CLCN5: variants seen among roughly 807,000 people sequenced by gnomAD.
The protein encoded by CLCN5 is Cl-/H+ antiporter 5, also known as H(+)/Cl(-) exchange transporter 5.
In CLCN5, 17 loss-of-function variants were observed where a neutral mutation model predicts 54.0. The ratio of observed to expected loss-of-function variants is 0.31; its 90% CI spans 0.22 to 0.47. The LOEUF is 0.47. CLCN5 is among the 20% of genes least tolerant of loss of function. The pLI, the probability that CLCN5 is intolerant of heterozygous loss-of-function variation, is 1.00. For synonymous variants in CLCN5, 222 were observed against 233.0 expected (o/e 0.95, Z 0.43); for missense variants, 448 against 646.7 (o/e 0.69, Z 3.33).
intron 3 of CLCN5, among the ~76,000 whole-genome samples, chrX:49,957,495 G>A (rs1269261706): frequency 1.8e-5 from 2 of 111,524 alleles, no homozygotes; most frequent in African/African-American, 6.5e-5. Flanking sequence ...GCACTATGTT[G>A]CATTCTGGGG....
At chrX:50,084,303 A>G (rs782404713) in intron 9 of CLCN5, among the ~76,000 whole-genome samples, 19 of 112,185 alleles carry the variant, frequency 1.7e-4, no homozygotes, top group Non-Finnish European at 1.7e-4. Context: ...TGGGGCCACC[A>G]TGTTGTATGT....
intron 3 of CLCN5, among the ~76,000 whole-genome samples, chrX:50,033,900 G>T (rs931258030): frequency 1.8e-5 from 2 of 111,781 alleles, no homozygotes; most frequent in African/African-American, 6.5e-5. Context: ...CTCTGGTATT[G>T]TCTGTTCAGA....
chrX:49,928,647 C>T (rs377451365), intron 3 of CLCN5, among the ~76,000 whole-genome samples: 2 of 111,841 alleles, frequency 1.8e-5, no homozygotes, highest in Admixed American at 1.9e-4. Flanking sequence ...ATCTAGCAGC[C>T]GGGCGCGGTG....
chrX:50,082,723 A>C (rs781917458), intron 9 of CLCN5, among the ~76,000 whole-genome samples: 7 of 112,012 alleles, frequency 6.2e-5, no homozygotes, highest in Non-Finnish European at 1.1e-4. Flanking sequence ...TCAAGTATAT[A>C]TTGCTTCTCT....
intron 2 of CLCN5, among the ~76,000 whole-genome samples, chrX:49,924,145 A>ATTTTT (rs34424526): frequency 8.3e-5 from 7 of 84,473 alleles, no homozygotes; most frequent in African/African-American, 3.1e-4. Flanking sequence ...CCTAGCTCCT[A>ATTTTT]TTTTTTTTTT....
intron 3 of CLCN5, among the ~76,000 whole-genome samples, chrX:49,957,896 T>C (rs1178404114): frequency 9.0e-6 from 1 of 110,890 alleles, no homozygotes; most frequent in South Asian, 3.9e-4. Flanking sequence ...TAGTACAATA[T>C]TGAAACCAAG....
intron 3 of CLCN5, among the ~76,000 whole-genome samples, chrX:49,958,473 C>T (rs1457460059): frequency 8.9e-6 from 1 of 111,915 alleles, no homozygotes; most frequent in Non-Finnish European, 1.9e-5. Context: ...CTATGATTCT[C>T]ATGACCTGAT....
chrX:49,966,225 A>G (rs1422519229), intron 3 of CLCN5, among the ~76,000 whole-genome samples: 1 of 111,775 alleles, frequency 8.9e-6, no homozygotes, highest in Admixed American at 9.5e-5. Flanking sequence ...GAATGTTTTT[A>G]ACTACAAATT....
At chrX:50,071,976 T>TA (rs782453875) in intron 5 of CLCN5, among the ~76,000 whole-genome samples, 4 of 111,696 alleles carry the variant, frequency 3.6e-5, no homozygotes, top group Admixed American at 1.9e-4. Context: ...TGAAAAGAGA[T>TA]ACATCATTGC....
chrX:50,075,053 G>A (rs781840653), intron 6 of CLCN5, among the ~76,000 whole-genome samples: 1 of 111,945 alleles, frequency 8.9e-6, no homozygotes, highest in Non-Finnish European at 1.9e-5. Context: ...TTTGGTGAAT[G>A]TTCTGTGTAT....
chrX:50,066,168 A>G (rs1408309819), intron 4 of CLCN5, among the ~76,000 whole-genome samples: 2 of 106,474 alleles, frequency 1.9e-5, no homozygotes, highest in African/African-American at 7.2e-5. Context: ...ATAATTAAAA[A>G]AAAAAAAAAA....
chrX:50,038,400 G>A (rs187679565), intron 3 of CLCN5, among the ~76,000 whole-genome samples: 15 of 111,359 alleles, frequency 1.3e-4, no homozygotes, highest in African/African-American at 3.9e-4. Context: ...GATCAAATAA[G>A]TATCATCATT....
At chrX:50,049,754 A>C (rs1280657819) in intron 4 of CLCN5, among the ~76,000 whole-genome samples, 1 of 111,520 alleles carries the variant, frequency 9.0e-6, no homozygotes, top group Non-Finnish European at 1.9e-5. Flanking sequence ...TGTGCTGTGA[A>C]GTTCTATAAG....
chrX:49,925,297 A>C lies in CLCN5; in HGVS notation c.-2A>C. 8.3e-7 allele frequency: 1 copy of C among 1,210,750 alleles called. No homozygotes were observed. Among genetic ancestry groups the C allele is most frequent in the Non-Finnish European group, 1.1e-6 (1 of 894,522 alleles). On this transcript the variant is annotated 5_prime_UTR_variant, in exon 3 of 15. Coordinates refer to ENST00000376091, the MANE Select transcript of CLCN5 (RefSeq NM_001127898.4). ...CCCAGCGTGGGTGAAGATAGGATCA[A>C]GATGGCCATGTGGCAGGGTAAGAAA... is the stretch of plus-strand genomic sequence containing the variant.
chrX:50,072,625 A>G (rs1161219690), intron 6 of CLCN5, 37 bp downstream of exon 6: 2 of 1,026,439 alleles, frequency 1.9e-6, no homozygotes, highest in South Asian at 1.9e-5. Context: ...CAAATCTCCT[A>G]AAATTGTGGT....
intron 3 of CLCN5, among the ~76,000 whole-genome samples, chrX:49,988,722 TATTAG>T (rs1929099369): frequency 8.9e-6 from 1 of 112,306 alleles, no homozygotes; most frequent in Non-Finnish European, 1.9e-5. Context: ...GCTTCATTTT[TATTAG>T]ATTAATGAAC....
In CLCN5 at chrX:50,094,941, A is replaced by C. The variant is rs1557195341; in HGVS notation, c.*2722A>C. On this transcript the variant is annotated 3_prime_UTR_variant, in exon 15 of 15. Transcript: ENST00000376091. ...GGAAAATGTTCTTTCTGCCATTGCC[A>C]CTTTAACAGTTGGACATGCTTAAGC... The C allele has an allele frequency of 8.9e-6, 1 of 112,793 alleles. No individual in the cohort carries two copies. Among genetic ancestry groups the C allele is most frequent in the Non-Finnish European group, 1.9e-5 (1 of 53,348 alleles). 9.3% of individuals were successfully genotyped at this position (112,793 alleles called of 1,213,427 possible).
intron 12 of CLCN5, among the ~76,000 whole-genome samples, chrX:50,089,128 T>A (rs1374203350): frequency 9.0e-6 from 1 of 111,549 alleles, no homozygotes; most frequent in Non-Finnish European, 1.9e-5. Context: ...AATCAGAAAT[T>A]TAGACAAAGA....
chrX:50,085,810 T>C lies in CLCN5; in HGVS notation c.934-170T>C, dbSNP rs1052783095. Among the ~76,000 whole-genome samples, 5 of 111,776 alleles carry C rather than the reference T, an allele frequency of 4.5e-5. No homozygotes were observed. The South Asian group carries it at 1.9e-3, about 43-fold the overall frequency. ...CCTGGTCAAGCATGTGAACTATGCA[T>C]GTGTATTCAAAATTCAGCATACAGT... On this transcript the variant is annotated intron_variant, in intron 9 of 14. Transcript: ENST00000376091.
Sources: gnomAD v4.1 joint callset for allele counts (sites outside exome capture counted in the v4.1 genomes callset) on GRCh38, gnomAD v4.1.1 for gene constraint, MANE v1.5 for transcripts, NCBI Gene and HGNC (gene_info 2026-07-23, HGNC 2026-07-21) for gene names.